PCDH15: variants seen among roughly 807,000 people sequenced by gnomAD.
PCDH15 encodes protocadherin-15.
Under a neutral mutation model 178.5 loss-of-function variants are expected in PCDH15, and 129 were observed. That is an observed-to-expected ratio of 0.72 (90% CI 0.63 to 0.84). The LOEUF (loss-of-function observed/expected upper bound fraction) is 0.84. Ranked by LOEUF, PCDH15 falls within the 40% of genes least tolerant of loss-of-function variation. The pLI is 0.00. For synonymous variants in PCDH15, 800 were observed against 732.0 expected (o/e 1.09, Z -1.50); for missense variants, 2,230 against 2,099.9 (o/e 1.06, Z -1.21).
At chr10:54,884,771 A>G (rs1954324761) in intron 3 of PCDH15, among the ~76,000 whole-genome samples, 1 of 152,098 alleles carries the variant, frequency 6.6e-6, no homozygotes, top group South Asian at 2.1e-4. Context: ...ATGAATTTAA[A>G]ATAAATATGA....
At chr10:54,733,990 C>CAA (rs35280632) in intron 1 of PCDH15, among the ~76,000 whole-genome samples, 279 of 145,762 alleles carry the variant, frequency 1.9e-3, no homozygotes, top group Admixed American at 2.9e-3. Flanking sequence ...TAAAACTTTA[C>CAA]AAAAAAAAAC....
At chr10:53,963,709 T>C (rs534170909) in intron 21 of PCDH15, among the ~76,000 whole-genome samples, 1 of 152,258 alleles carries the variant, frequency 6.6e-6, no homozygotes, top group East Asian at 1.9e-4. Context: ...TACTAAGGTG[T>C]TCTATCTGAA....
At chr10:54,819,637 T>G (rs1953004660) in intron 3 of PCDH15, among the ~76,000 whole-genome samples, 1 of 152,072 alleles carries the variant, frequency 6.6e-6, no homozygotes, top group Non-Finnish European at 1.5e-5. Flanking sequence ...CTGTAATTTT[T>G]ACTGTTAGTG....
chr10:54,511,318 TC>T (rs1169271928), intron 3 of PCDH15, among the ~76,000 whole-genome samples: 1 of 152,100 alleles, frequency 6.6e-6, no homozygotes, highest in Admixed American at 6.6e-5. Flanking sequence ...ACAATTATTG[TC>T]CCCATGGACT....
intron 29 of PCDH15, among the ~76,000 whole-genome samples, chr10:53,832,405 A>C (rs1385007933): frequency 1.3e-5 from 2 of 151,950 alleles, no homozygotes; most frequent in South Asian, 2.1e-4. Flanking sequence ...TATAAGCTCT[A>C]CATATTGATG....
intron 3 of PCDH15, among the ~76,000 whole-genome samples, chr10:54,430,398 A>C (rs915663361): frequency 6.6e-6 from 1 of 152,166 alleles, no homozygotes; most frequent in African/African-American, 2.4e-5. Context: ...ATTCTCAAGG[A>C]TAGAACATGT....
At chr10:54,467,769 T>A (rs2077629770) in intron 3 of PCDH15, among the ~76,000 whole-genome samples, 1 of 151,832 alleles carries the variant, frequency 6.6e-6, no homozygotes, top group Non-Finnish European at 1.5e-5. Context: ...GTAAATTTGG[T>A]CAATTTGTCA....
intron 3 of PCDH15, among the ~76,000 whole-genome samples, chr10:54,474,836 C>T (rs2078163891): frequency 6.6e-6 from 1 of 151,850 alleles, no homozygotes; most frequent in Admixed American, 6.6e-5. Flanking sequence ...TTCAATGAAA[C>T]AAATTCTTTG....
intron 2 of PCDH15, among the ~76,000 whole-genome samples, chr10:54,956,333 AATGAGTTATAT>A (rs1225446288): frequency 6.6e-6 from 1 of 151,518 alleles, no homozygotes; most frequent in Admixed American, 6.6e-5. Context: ...CATGGTAAAC[AATGAGTTATAT>A]AAACTAATGA....
intron 2 of PCDH15, among the ~76,000 whole-genome samples, chr10:55,145,373 G>A (rs574711966): frequency 6.6e-6 from 1 of 152,074 alleles, no homozygotes; most frequent in South Asian, 2.1e-4. Context: ...GTTTATGACG[G>A]ATAGGGAAAA....
intron 2 of PCDH15, chr10:54,599,661 T>G: frequency 2.6e-6 from 1 of 380,796 alleles, no homozygotes; most frequent in Non-Finnish European, 5.0e-6. Context: ...ACAAACTAAT[T>G]GAAAAACTGG....
chr10:54,629,998 C>CA (rs536148300), intron 2 of PCDH15, among the ~76,000 whole-genome samples: 8 of 151,720 alleles, frequency 5.3e-5, no homozygotes, highest in South Asian at 4.2e-4. Context: ...ACAATAGCCA[C>CA]AAAAAAAATT....
chr10:54,629,674 C>G (rs912176873), intron 2 of PCDH15, among the ~76,000 whole-genome samples: 1 of 152,052 alleles, frequency 6.6e-6, no homozygotes, highest in South Asian at 2.1e-4. Context: ...CCCTTGGGAA[C>G]TGGAGCAAGA....
chr10:54,484,685 G>A (rs111599206), intron 3 of PCDH15, among the ~76,000 whole-genome samples: 5,200 of 151,680 alleles, frequency 0.034, 131 homozygotes, highest in South Asian at 0.087. Flanking sequence ...TTTAATCTTG[G>A]GATGAATTTA....
At chr10:55,572,957 G>T (rs574137392) in intron 2 of PCDH15, among the ~76,000 whole-genome samples, 1 of 152,088 alleles carries the variant, frequency 6.6e-6, no homozygotes, top group East Asian at 1.9e-4. Context: ...CAAATACACT[G>T]ATCTGTTTGC....
upstream of PCDH15, among the ~76,000 whole-genome samples, chr10:54,805,598 T>A (rs927532665): frequency 1.3e-5 from 2 of 152,190 alleles, no homozygotes; most frequent in African/African-American, 4.8e-5. Context: ...TTGCCAGCAA[T>A]ATCTACTTTC....
chr10:53,861,052 T>C (rs1050331974), intron 27 of PCDH15, among the ~76,000 whole-genome samples: 1 of 152,182 alleles, frequency 6.6e-6, no homozygotes, highest in Non-Finnish European at 1.5e-5. Flanking sequence ...ATTTTGACTA[T>C]GCAAATGAAG....
At chr10:55,341,333 T>C (rs1844550283) in intron 2 of PCDH15, among the ~76,000 whole-genome samples, 1 of 152,050 alleles carries the variant, frequency 6.6e-6, no homozygotes. Flanking sequence ...TCTTTACCTA[T>C]AATATTTTTG....
intron 32 of PCDH15, chr10:53,825,087 G>A (rs1334245122): frequency 6.6e-7 from 1 of 1,513,028 alleles, no homozygotes; most frequent in East Asian, 2.5e-5. Flanking sequence ...CTGTTCTATT[G>A]TATCTATTTT....
Sources: allele counts gnomAD v4.1 joint callset (sites outside exome capture counted in the v4.1 genomes callset), GRCh38; gene constraint gnomAD v4.1.1; transcripts MANE v1.5; gene names NCBI Gene and HGNC (gene_info 2026-07-23, HGNC 2026-07-21).